The following SMOC2 variants were observed in gnomAD, a reference collection of about 807,000 sequenced individuals.
SMOC2 encodes SPARC-related modular calcium-binding protein 2.
Under a neutral mutation model 61.4 loss-of-function variants are expected in SMOC2, and 39 were observed. The observed-to-expected ratio is 0.64, with a 90% CI of 0.49 to 0.83. The LOEUF (loss-of-function observed/expected upper bound fraction) is 0.83. Ranked by LOEUF, SMOC2 falls within the 40% of genes least tolerant of loss-of-function variation. The probability of loss-of-function intolerance (pLI) is 0.00; values close to 1 mark genes in which losing one functional copy is unlikely to be tolerated. For synonymous variants in SMOC2, 247 were observed against 239.9 expected (o/e 1.03, Z -0.27); for missense variants, 556 against 592.9 (o/e 0.94, Z 0.65).
intron 9 of SMOC2, among the ~76,000 whole-genome samples, chr6:168,625,801 T>A (rs1402544421): frequency 6.6e-6 from 1 of 152,160 alleles, no homozygotes; most frequent in Admixed American, 6.5e-5. Flanking sequence ...GGGCAGCCGC[T>A]CCAGCTCCAC....
At chr6:168,443,839 G>T (rs1781272089) in intron 1 of SMOC2, among the ~76,000 whole-genome samples, 1 of 152,172 alleles carries the variant, frequency 6.6e-6, no homozygotes, top group Admixed American at 6.5e-5. Flanking sequence ...ACAGCTTAGG[G>T]TCTTGCTGGA....
chr6:168,644,417 G>T (rs1786972230), intron 9 of SMOC2, among the ~76,000 whole-genome samples: 1 of 152,146 alleles, frequency 6.6e-6, no homozygotes, highest in Non-Finnish European at 1.5e-5. Flanking sequence ...AAATGCAGGT[G>T]CTGTTATTGG....
At chr6:168,523,558 T>A (rs1783383467) in intron 2 of SMOC2, among the ~76,000 whole-genome samples, 1 of 148,428 alleles carries the variant, frequency 6.7e-6, no homozygotes, top group Non-Finnish European at 1.5e-5. Context: ...TGGCTAATTT[T>A]TTTTTTTATT....
intron 1 of SMOC2, among the ~76,000 whole-genome samples, chr6:168,465,750 G>T (rs1781816364): frequency 6.7e-6 from 1 of 148,622 alleles, no homozygotes; most frequent in African/African-American, 2.5e-5. Flanking sequence ...GAACTGGGGG[G>T]CTCTGGATGA....
intron 9 of SMOC2, among the ~76,000 whole-genome samples, chr6:168,617,032 G>A (rs1402793049): frequency 3.3e-5 from 5 of 152,190 alleles, no homozygotes; most frequent in East Asian, 1.9e-4. Context: ...AGAGGGCACC[G>A]GAGAGATGAG....
intron 3 of SMOC2, among the ~76,000 whole-genome samples, chr6:168,526,742 A>G (rs1024175339): frequency 6.6e-6 from 1 of 152,178 alleles, no homozygotes; most frequent in Non-Finnish European, 1.5e-5. Context: ...AAGCTTCCTT[A>G]GTGAGGCCAA....
chr6:168,533,964 G>C (rs948225265), intron 4 of SMOC2, among the ~76,000 whole-genome samples: 2 of 152,146 alleles, frequency 1.3e-5, no homozygotes, highest in Non-Finnish European at 2.9e-5. Flanking sequence ...AATACTTGTA[G>C]GCAGGGAGTG....
At chr6:168,605,358 C>T (rs1305329056) in intron 8 of SMOC2, among the ~76,000 whole-genome samples, 1 of 152,104 alleles carries the variant, frequency 6.6e-6, no homozygotes, top group Non-Finnish European at 1.5e-5. Context: ...GGCAGAGAAC[C>T]TGGTATCTGA....
chr6:168,549,003 C>T, intron 6 of SMOC2, 126 bp from the exon 7 acceptor site: 1 of 705,202 alleles, frequency 1.4e-6, no homozygotes, highest in South Asian at 1.7e-5. Flanking sequence ...TATTTCTTTA[C>T]AAATGTACAA....
At chr6:168,482,892 A>T (rs1001441622) in intron 1 of SMOC2, among the ~76,000 whole-genome samples, 2 of 152,084 alleles carry the variant, frequency 1.3e-5, no homozygotes, top group African/African-American at 4.8e-5. Context: ...ACTAGAAGGA[A>T]ACTACCTCAA....
chr6:168,575,959 G>A (rs1201979327), intron 7 of SMOC2, among the ~76,000 whole-genome samples: 1 of 152,110 alleles, frequency 6.6e-6, no homozygotes, highest in African/African-American at 2.4e-5. Context: ...GCCACATGCT[G>A]GCAGGAGGCA....
intron 9 of SMOC2, among the ~76,000 whole-genome samples, chr6:168,611,506 G>C (rs1297380812): frequency 9.4e-6 from 1 of 106,874 alleles, no homozygotes; most frequent in Non-Finnish European, 1.9e-5. Context: ...CTCCCGTGTC[G>C]GGCCTGGCCG....
intron 7 of SMOC2, among the ~76,000 whole-genome samples, chr6:168,581,942 C>T (rs1346925510): frequency 6.6e-6 from 1 of 152,190 alleles, no homozygotes; most frequent in Non-Finnish European, 1.5e-5. Context: ...TTCTCTGACC[C>T]CCCTTTCCAA....
At chr6:168,520,463 G>T (rs904086600) in intron 2 of SMOC2, among the ~76,000 whole-genome samples, 1 of 152,330 alleles carries the variant, frequency 6.6e-6, no homozygotes, top group East Asian at 1.9e-4. Flanking sequence ...GGCCAGCCCT[G>T]CACTGGCTCA....
rs540690703 is a variant in SMOC2 at position 168,595,995 on chromosome 6, C to T, written c.638-2823C>T. Reference sequence around the variant, plus strand: ...TAAAATTTCTGAAGAAGCGCTGCGGCGGTGCTGAGTCTTCCTGGGTGCTGC... The same window carrying T: ...TAAAATTTCTGAAGAAGCGCTGCGGTGGTGCTGAGTCTTCCTGGGTGCTGC... On this transcript the variant is annotated intron_variant, in intron 7 of 12. Transcript: ENST00000356284. Among the ~76,000 whole-genome samples, 82 of 152,282 alleles carry T rather than the reference C, an allele frequency of 5.4e-4. 1 individual carries two copies. The highest frequency in any genetic ancestry group is 1.1e-3 in the African/African-American group (47 of 41,550).
intron 9 of SMOC2, among the ~76,000 whole-genome samples, chr6:168,643,116 C>T (rs1786933751): frequency 6.6e-6 from 1 of 152,160 alleles, no homozygotes; most frequent in African/African-American, 2.4e-5. Flanking sequence ...ACGTATTTCA[C>T]AGGCTCTCCA....
chr6:168,665,789 C>T (rs76053020), intron 12 of SMOC2, among the ~76,000 whole-genome samples: 14,478 of 152,100 alleles, frequency 0.095, 1,111 homozygotes, highest in East Asian at 0.42. Context: ...GAATAAAAGC[C>T]AACCCAGAAA....
chr6:168,608,389 G>A, intron 9 of SMOC2, 150 bp downstream of exon 9: 6 of 875,276 alleles, frequency 6.9e-6, no homozygotes, highest in Non-Finnish European at 1.0e-5. Flanking sequence ...AGGGCCCTGA[G>A]TCCAGGCAGG....
intron 8 of SMOC2, among the ~76,000 whole-genome samples, chr6:168,600,038 A>C (rs566119265): frequency 6.6e-6 from 1 of 151,946 alleles, no homozygotes; most frequent in Non-Finnish European, 1.5e-5. Context: ...CTTCACCTGG[A>C]TGGTCTGGTT....
Sources: allele counts gnomAD v4.1 joint callset (sites outside exome capture counted in the v4.1 genomes callset), GRCh38; gene constraint gnomAD v4.1.1; transcripts MANE v1.5; gene names NCBI Gene and HGNC (gene_info 2026-07-23, HGNC 2026-07-21).